Variants in SEMA3E observed in about 807,000 individuals in gnomAD.
SEMA3E encodes semaphorin 3E.
SEMA3E carries 49 observed loss-of-function variants against 93.6 expected under a neutral mutation model. The observed-to-expected ratio is 0.52, with a 90% CI of 0.42 to 0.66. The LOEUF is 0.66. Ranked by LOEUF, SEMA3E falls within the 30% of genes least tolerant of loss-of-function variation. SEMA3E has a pLI of 0.00. For synonymous variants in SEMA3E, 363 were observed against 330.7 expected (o/e 1.10, Z -1.06); for missense variants, 906 against 964.8 (o/e 0.94, Z 0.81).
At chr7:83,578,808 A>G (rs1427893058) in intron 1 of SEMA3E, among the ~76,000 whole-genome samples, 1 of 152,158 alleles carries the variant, frequency 6.6e-6, no homozygotes, top group Non-Finnish European at 1.5e-5. Context: ...AAATCTGATG[A>G]CTTCAAAATA....
rs1794681197 is a variant in SEMA3E at position 83,367,155 on chromosome 7, G to T, written c.*431C>A. On this transcript the variant is annotated 3_prime_UTR_variant, in exon 17 of 17. Coordinates refer to ENST00000643230, the MANE Select transcript of SEMA3E (RefSeq NM_012431.3). Reference sequence around the variant, plus strand: ...TCACATGAGAATGCCAAAGTATCTTGTATTCTGCATATCTTACATTGTGAT... The same window carrying T: ...TCACATGAGAATGCCAAAGTATCTTTTATTCTGCATATCTTACATTGTGAT... The T allele has an allele frequency of 4.9e-6, 1 of 206,004 alleles. No individual in the cohort carries two copies. The highest frequency in any genetic ancestry group is 5.3e-5 in the Admixed American group (1 of 18,754). 12.8% of individuals were successfully genotyped at this position (206,004 alleles called of 1,614,324 possible).
chr7:83,532,511 C>T (rs746051219), intron 1 of SEMA3E, among the ~76,000 whole-genome samples: 2 of 152,170 alleles, frequency 1.3e-5, no homozygotes, highest in Non-Finnish European at 2.9e-5. Flanking sequence ...CTGCATTACA[C>T]TGTACAGTAC....
chr7:83,523,413 A>G (rs1791088445), intron 1 of SEMA3E, among the ~76,000 whole-genome samples: 1 of 152,118 alleles, frequency 6.6e-6, no homozygotes, highest in African/African-American at 2.4e-5. Flanking sequence ...GTTTTAAAAA[A>G]TGTAACAAAT....
chr7:83,431,175 A>G (rs1348347304), intron 4 of SEMA3E, among the ~76,000 whole-genome samples: 2 of 151,264 alleles, frequency 1.3e-5, no homozygotes, highest in African/African-American at 2.4e-5. Context: ...CAATATATTA[A>G]CTATATTTTA....
chr7:83,465,710 A>G (rs546136941), intron 4 of SEMA3E, among the ~76,000 whole-genome samples: 1 of 152,308 alleles, frequency 6.6e-6, no homozygotes, highest in East Asian at 1.9e-4. Flanking sequence ...TCTGCCTTCC[A>G]ATGTAGATGA....
At chr7:83,504,153 G>A (rs914740130) in intron 1 of SEMA3E, among the ~76,000 whole-genome samples, 7 of 152,038 alleles carry the variant, frequency 4.6e-5, no homozygotes, top group Admixed American at 1.3e-4. Context: ...TATTACCAAA[G>A]CAATGACTAT....
intron 1 of SEMA3E, among the ~76,000 whole-genome samples, chr7:83,634,856 C>T (rs1460586062): frequency 6.6e-6 from 1 of 151,904 alleles, no homozygotes; most frequent in Non-Finnish European, 1.5e-5. Context: ...TATTTTCTTT[C>T]TCATATTAAT....
chr7:83,640,280 G>A (rs1317685791), intron 1 of SEMA3E, among the ~76,000 whole-genome samples: 1 of 151,980 alleles, frequency 6.6e-6, no homozygotes, highest in Non-Finnish European at 1.5e-5. Flanking sequence ...TTTTATTCTG[G>A]TTTCCCTAAA....
At position 83,565,976 on chromosome 7, in the gene SEMA3E, A is replaced by G. The variant is rs375178591; in HGVS notation, c.116-75702T>C. 2.5e-4 allele frequency among the ~76,000 whole-genome samples: 37 copies of G among 148,590 alleles called. 1 individual carries two copies. The South Asian group carries it at 7.5e-3, about 30-fold the overall frequency. ...TTGTATATAATTTATACACTTCCTT[A>G]CTTACCAATGTTTCCACTCTTTTTT... On this transcript the variant is annotated intron_variant, in intron 1 of 16. Transcript: ENST00000643230.
chr7:83,571,531 GAT>G lies in SEMA3E; in HGVS notation c.115+76895_115+76896del, dbSNP rs1792286759. 1.3e-5 allele frequency among the ~76,000 whole-genome samples: 2 copies of G among 152,136 alleles called. 1 individual carries two copies. Among genetic ancestry groups the G allele is most frequent in the South Asian group, 4.1e-4 (2 of 4,834 alleles). ...TTGATAAAATCCAACATTCTTGCAT[GAT>G]AAAAACCCTCAACAAACCAGGCAGC... On this transcript the variant is annotated intron_variant, in intron 1 of 16. Coordinates refer to ENST00000643230, the MANE Select transcript of SEMA3E (RefSeq NM_012431.3).
At chr7:83,605,533 C>T (rs1017038513) in intron 1 of SEMA3E, among the ~76,000 whole-genome samples, 4 of 151,914 alleles carry the variant, frequency 2.6e-5, no homozygotes, top group Non-Finnish European at 4.4e-5. Context: ...CAGGATCAAG[C>T]GATTATCCTG....
intron 1 of SEMA3E, among the ~76,000 whole-genome samples, chr7:83,505,881 G>A (rs1327505194): frequency 6.6e-6 from 1 of 151,450 alleles, no homozygotes; most frequent in African/African-American, 2.4e-5. Flanking sequence ...CGGGTGTGGT[G>A]CCACATGCCT....
chr7:83,433,002 T>A (rs1485087075), intron 4 of SEMA3E, among the ~76,000 whole-genome samples: 9 of 152,216 alleles, frequency 5.9e-5, no homozygotes, highest in Admixed American at 5.9e-4. Context: ...AAACTTTTGC[T>A]ATGCATTTGA....
intron 1 of SEMA3E, among the ~76,000 whole-genome samples, chr7:83,613,696 A>G (rs1360218446): frequency 1.3e-5 from 2 of 152,108 alleles, no homozygotes; most frequent in African/African-American, 4.8e-5. Flanking sequence ...AATTTAAAAA[A>G]TAATAAACTT....
chr7:83,407,376 A>AT (rs967407357), intron 6 of SEMA3E, 137 bp from the exon 7 acceptor site: 48 of 803,284 alleles, frequency 6.0e-5, no homozygotes, highest in Admixed American at 1.3e-4. Flanking sequence ...TTTTTCTTGA[A>AT]TTTTTTTACC....
At chr7:83,573,785 A>G (rs1792339760) in intron 1 of SEMA3E, among the ~76,000 whole-genome samples, 1 of 151,990 alleles carries the variant, frequency 6.6e-6, no homozygotes, top group Non-Finnish European at 1.5e-5. Flanking sequence ...TAATAAAAAT[A>G]ACTGCTTATT....
intron 1 of SEMA3E, among the ~76,000 whole-genome samples, chr7:83,608,704 T>C (rs1409906894): frequency 6.6e-6 from 1 of 152,270 alleles, no homozygotes; most frequent in African/African-American, 2.4e-5. Flanking sequence ...ATTCATGGAT[T>C]GTCTTTTGGG....
intron 16 of SEMA3E, among the ~76,000 whole-genome samples, chr7:83,383,669 G>A (rs1357393187): frequency 2.6e-5 from 4 of 151,976 alleles, no homozygotes; most frequent in South Asian, 2.1e-4. Context: ...GAATGGAGAA[G>A]TAGATTATAT....
chr7:83,539,206 C>T (rs1386994762), intron 1 of SEMA3E, among the ~76,000 whole-genome samples: 1 of 152,090 alleles, frequency 6.6e-6, no homozygotes, highest in Non-Finnish European at 1.5e-5. Flanking sequence ...GCTCTGGGAG[C>T]CCAGGGGGAA....
Sources: gnomAD v4.1 joint callset for allele counts (sites outside exome capture counted in the v4.1 genomes callset) on GRCh38, gnomAD v4.1.1 for gene constraint, MANE v1.5 for transcripts, NCBI Gene and HGNC (gene_info 2026-07-23, HGNC 2026-07-21) for gene names.